SPATS2L: variants seen among roughly 807,000 people sequenced by gnomAD.
SPATS2L encodes spermatogenesis associated serine rich 2 like.
SPATS2L carries 30 observed loss-of-function variants against 59.6 expected under a neutral mutation model. The observed-to-expected ratio is 0.50, with a 90% CI of 0.38 to 0.68. The LOEUF is 0.68. Among genes scored for constraint, SPATS2L ranks in the 30% least tolerant of loss-of-function variants. The probability of loss-of-function intolerance (pLI) is 0.00; values close to 1 mark genes in which losing one functional copy is unlikely to be tolerated. For synonymous variants in SPATS2L, 252 were observed against 263.5 expected (o/e 0.96, Z 0.42); for missense variants, 615 against 700.0 (o/e 0.88, Z 1.37).
intron 8 of SPATS2L, among the ~76,000 whole-genome samples, chr2:200,452,013 G>A (rs1397138760): frequency 2.0e-5 from 3 of 152,148 alleles, no homozygotes; most frequent in African/African-American, 7.2e-5. Flanking sequence ...GGCCAGGCTG[G>A]TCTTGAACTC....
At chr2:200,408,871 C>T (rs746842852) in intron 3 of SPATS2L, among the ~76,000 whole-genome samples, 55 of 152,246 alleles carry the variant, frequency 3.6e-4, no homozygotes, top group Non-Finnish European at 5.1e-4. Flanking sequence ...ATCAAAACAT[C>T]ATGCTGTTTC....
At chr2:200,400,095 G>T (rs1368550027) in intron 3 of SPATS2L, among the ~76,000 whole-genome samples, 1 of 152,180 alleles carries the variant, frequency 6.6e-6, no homozygotes, top group African/African-American at 2.4e-5. Context: ...AGATTAAAGT[G>T]TCTTAGTATT....
At chr2:200,448,312 C>G (rs977991398) in intron 8 of SPATS2L, among the ~76,000 whole-genome samples, 2 of 152,114 alleles carry the variant, frequency 1.3e-5, no homozygotes, top group Admixed American at 6.5e-5. Context: ...TGTGGTGGTG[C>G]ATGCCTGCAA....
At chr2:200,464,461 C>A (rs1316294963) in intron 9 of SPATS2L, among the ~76,000 whole-genome samples, 2 of 152,124 alleles carry the variant, frequency 1.3e-5, no homozygotes, top group African/African-American at 4.8e-5. Context: ...TCTACAAAAT[C>A]TTTTGTTTGG....
At chr2:200,412,605 C>CA (rs11324274) in intron 4 of SPATS2L, among the ~76,000 whole-genome samples, 186 bp downstream of exon 4, 24,762 of 126,042 alleles carry the variant, frequency 0.2, 2,353 homozygotes, top group Non-Finnish European at 0.23. Flanking sequence ...GACCCCATCT[C>CA]AAAAAAAAAA....
At chr2:200,348,458 A>G (rs1053590074) in intron 2 of SPATS2L, among the ~76,000 whole-genome samples, 11 of 152,232 alleles carry the variant, frequency 7.2e-5, no homozygotes, top group African/African-American at 2.4e-4. Flanking sequence ...ACTTTTCAGC[A>G]GAAGGGCCAA....
rs904610170 is a variant in SPATS2L, at chr2:200,389,105, C to G, written c.-22-118C>G. 6.8e-5 allele frequency: 44 copies of G among 646,758 alleles called. No individual in the cohort carries two copies. In the East Asian group the frequency reaches 1.1e-3, roughly 16 times the overall value. 40.1% of individuals were successfully genotyped at this position (646,758 alleles called of 1,614,324 possible). A position where few individuals can be genotyped will look rare whatever the true frequency, so the allele number is the denominator to read the frequency against. The stretch of plus-strand genomic sequence containing the variant: ...CTTAGCTTGAAAGTATTTTTACATT[C>G]TAAAATGATATTTATGATTATGACC... On this transcript the variant is annotated intron_variant, in intron 2 of 12. Coordinates refer to ENST00000409140, the MANE Select transcript of SPATS2L (RefSeq NM_001100423.2).
intron 7 of SPATS2L, 141 bp downstream of exon 7, chr2:200,439,469 T>C (rs1449807318): frequency 3.0e-6 from 2 of 670,882 alleles, no homozygotes; most frequent in East Asian, 5.4e-5. Context: ...GTGACCCACA[T>C]AGATGGAAAG....
At chr2:200,472,718 A>C in intron 11 of SPATS2L, 114 bp from the exon 12 acceptor site, 1 of 884,440 alleles carries the variant, frequency 1.1e-6, no homozygotes, top group South Asian at 1.7e-5. Flanking sequence ...AAACTTTTTA[A>C]TGTTTTTGTG....
At chr2:200,340,610 G>A (rs946158101) in intron 2 of SPATS2L, among the ~76,000 whole-genome samples, 16 of 152,080 alleles carry the variant, frequency 1.1e-4, no homozygotes, top group Non-Finnish European at 2.9e-5. Context: ...CTGTGGAGAG[G>A]CACAGCCCTT....
At chr2:200,456,789 T>A (rs1263220304) in intron 8 of SPATS2L, among the ~76,000 whole-genome samples, 2 of 152,156 alleles carry the variant, frequency 1.3e-5, no homozygotes, top group East Asian at 1.9e-4. Context: ...CATGCAGCAG[T>A]ATTTCCCTTA....
At chr2:200,394,659 T>C (rs2082277598) in intron 3 of SPATS2L, among the ~76,000 whole-genome samples, 1 of 152,198 alleles carries the variant, frequency 6.6e-6, no homozygotes, top group East Asian at 1.9e-4. Flanking sequence ...TTTACGATGT[T>C]TTGCAAAATC....
At chr2:200,466,328 C>T (rs2086600510) in intron 9 of SPATS2L, among the ~76,000 whole-genome samples, 1 of 152,132 alleles carries the variant, frequency 6.6e-6, no homozygotes, top group Non-Finnish European at 1.5e-5. Flanking sequence ...AAATGCTTGT[C>T]CTAAAGAAAT....
intron 3 of SPATS2L, chr2:200,389,700 C>T (rs1393896249): frequency 6.4e-6 from 1 of 156,432 alleles, no homozygotes; most frequent in Non-Finnish European, 1.4e-5. Flanking sequence ...TATTATATTA[C>T]CTCTTCAGAA....
chr2:200,396,819 A>G (rs1262417979), intron 3 of SPATS2L, among the ~76,000 whole-genome samples: 3 of 152,228 alleles, frequency 2.0e-5, no homozygotes, highest in Admixed American at 6.5e-5. Context: ...AAACAAGAAC[A>G]CAAGCCACAC....
At position 200,412,365 on chromosome 2, in the gene SPATS2L, G is replaced by C. The variant is rs760011334; in HGVS notation, c.94G>C (p.Val32Leu). Residue 32 changes from valine (V) to leucine (L), a missense_variant, in exon 4 of 13, where the codon GTG (valine) becomes CTG (leucine). Physicochemically the swap from Val to Leu is conservative, Grantham distance 32. This residue lies in a region of SPATS2L where 227 missense variants were observed against 257.4 expected (regional missense o/e 0.88). Transcript: ENST00000409140. ...PNKSNNEIVL[V>L]LQQFDFNVDK... Reference sequence around the variant, plus strand: ...CAAAAGCAATAATGAAATAGTCCTGGTGCTCCAACAGTTTGATTTTAATGT... The same window carrying C: ...CAAAAGCAATAATGAAATAGTCCTGCTGCTCCAACAGTTTGATTTTAATGT... 1 of 1,608,420 alleles carries C rather than the reference G, an allele frequency of 6.2e-7. No homozygotes were observed. Among genetic ancestry groups the C allele is most frequent in the African/African-American group, 1.3e-5 (1 of 74,428 alleles).
chr2:200,475,651 T>C (rs374182011), intron 12 of SPATS2L, among the ~76,000 whole-genome samples: 10 of 152,220 alleles, frequency 6.6e-5, no homozygotes, highest in African/African-American at 2.2e-4. Flanking sequence ...TCCCTTCAGC[T>C]TAGTGATTTG....
At chr2:200,414,253 T>G (rs777370865) in intron 4 of SPATS2L, among the ~76,000 whole-genome samples, 2 of 152,174 alleles carry the variant, frequency 1.3e-5, no homozygotes, top group African/African-American at 2.4e-5. Flanking sequence ...ACCTTGTCAG[T>G]GTTGAGATCT....
At position 200,481,957 on chromosome 2, in the gene SPATS2L, G is replaced by A. The variant is rs2087788661; in HGVS notation, c.*3926G>A. On this transcript the variant is annotated 3_prime_UTR_variant, in exon 13 of 13. Transcript: ENST00000409140. The stretch of plus-strand genomic sequence containing the variant: ...GGCCTCCCAAAGTGCTGGGATTACA[G>A]GGGTGAGCCACTGCGCCCGGCCCCA... 1 of 152,238 alleles carries A rather than the reference G, an allele frequency of 6.6e-6. No homozygotes were observed. The highest frequency in any genetic ancestry group is 1.5e-5 in the Non-Finnish European group (1 of 68,060). 9.4% of individuals were successfully genotyped at this position (152,238 alleles called of 1,614,324 possible).
Sources: allele counts gnomAD v4.1 joint callset (sites outside exome capture counted in the v4.1 genomes callset), GRCh38; gene constraint gnomAD v4.1.1; regional missense constraint gnomAD v4.1.1; transcripts MANE v1.5; gene names NCBI Gene and HGNC (gene_info 2026-07-23, HGNC 2026-07-21).